SMG6: variants seen among roughly 807,000 people sequenced by gnomAD.
SMG6 encodes the protein telomerase-binding protein EST1A.
SMG6 carries 66 observed loss-of-function variants against 142.2 expected under a neutral mutation model. The observed-to-expected ratio is 0.46, with a 90% CI of 0.38 to 0.57. The LOEUF (loss-of-function observed/expected upper bound fraction) is 0.57. Among genes scored for constraint, SMG6 ranks in the 20% least tolerant of loss-of-function variants. The probability of loss-of-function intolerance (pLI) is 0.00; values close to 1 mark genes in which losing one functional copy is unlikely to be tolerated. For missense variants in SMG6, 1,793 were observed against 1,832.0 expected (o/e 0.98, Z 0.39); for synonymous variants, 779 against 702.4 (o/e 1.11, Z -1.72).
chr17:2,125,186 T>C (rs75282752), intron 13 of SMG6, among the ~76,000 whole-genome samples: 85 of 152,108 alleles, frequency 5.6e-4, no homozygotes, highest in African/African-American at 1.9e-3. Context: ...AAAGGGAAAA[T>C]AGAGAAGGAG....
chr17:2,178,178 GCT>G (rs2071703126), intron 12 of SMG6, among the ~76,000 whole-genome samples: 1 of 152,200 alleles, frequency 6.6e-6, no homozygotes, highest in Non-Finnish European at 1.5e-5. Flanking sequence ...GTACCTCAGT[GCT>G]AGGTAGCTCA....
chr17:2,276,486 G>A (rs938512959), intron 8 of SMG6, among the ~76,000 whole-genome samples: 1 of 152,228 alleles, frequency 6.6e-6, no homozygotes, highest in South Asian at 2.1e-4. Context: ...CCAGGTTCAA[G>A]TGATTCTCCC....
intron 13 of SMG6, among the ~76,000 whole-genome samples, chr17:2,091,938 A>T (rs185355039): frequency 0.027 from 4,045 of 151,126 alleles, 81 homozygotes; most frequent in East Asian, 0.053. Flanking sequence ...CGCCTTGGCC[A>T]ACCAAAGTGC....
rs1250381110 is a variant in SMG6, at chr17:2,065,860, TTCACAGGGCTCTAC to T, written c.3836-195_3836-182del. Reference sequence around the variant, plus strand: ...GTGGGGGCAAGAAGTGTCTCGAGATTTCACAGGGCTCTACTCCCTTTCTGTCTCTTCTCCTGGGC... The same window carrying T: ...GTGGGGGCAAGAAGTGTCTCGAGATTTCCCTTTCTGTCTCTTCTCCTGGGC... On this transcript the variant is annotated intron_variant, in intron 16 of 18. Transcript: ENST00000263073. 2.8e-5 allele frequency: 17 copies of T among 606,188 alleles called. No homozygotes were observed. In the East Asian group the frequency reaches 4.7e-4, roughly 17 times the overall value. The allele number at this position is 606,188 out of a possible 1,614,324, so 37.6% of individuals were successfully genotyped here. A position where few individuals can be genotyped will look rare whatever the true frequency, so the allele number is the denominator to read the frequency against.
chr17:2,090,120 T>C (rs1488305527), intron 13 of SMG6, among the ~76,000 whole-genome samples: 1 of 135,640 alleles, frequency 7.4e-6, no homozygotes, highest in Non-Finnish European at 1.6e-5. Flanking sequence ...GAGGTGGAGG[T>C]TGCAGTGAGC....
chr17:2,292,452 T>C, intron 6 of SMG6, 100 bp downstream of exon 6: 1 of 1,153,422 alleles, frequency 8.7e-7, no homozygotes, highest in Non-Finnish European at 1.3e-6. Context: ...TGGGCTACAG[T>C]GATGAGATGA....
intron 13 of SMG6, among the ~76,000 whole-genome samples, chr17:2,109,711 C>T (rs998240354): frequency 3.9e-5 from 6 of 152,144 alleles, no homozygotes; most frequent in Non-Finnish European, 7.3e-5. Flanking sequence ...AGTATAGTTT[C>T]AGTGCTTTAT....
In SMG6 at chr17:2,087,278, A is replaced by G. The variant is rs1055401582; in HGVS notation, c.3358-1377T>C. ...GCTGGGTACCACAGAGAGCAGATGA[A>G]GCAGGCATGACCCATGTTCTCTAAG... On this transcript the variant is annotated intron_variant, in intron 13 of 18. Coordinates refer to ENST00000263073, the MANE Select transcript of SMG6 (RefSeq NM_017575.5). 5.5e-6 allele frequency: 7 copies of G among 1,277,356 alleles called. No homozygotes were observed. In the African/African-American group the frequency reaches 1.1e-4, roughly 20 times the overall value. The allele number at this position is 1,277,356 out of a possible 1,614,324, so 79.1% of individuals were successfully genotyped here.
chr17:2,191,751 T>C (rs2072170832), intron 10 of SMG6, among the ~76,000 whole-genome samples: 1 of 152,204 alleles, frequency 6.6e-6, no homozygotes. Flanking sequence ...GACAGAAATA[T>C]TCTTCTTGCT....
intron 6 of SMG6, among the ~76,000 whole-genome samples, chr17:2,286,072 T>C (rs779774975): frequency 3.3e-5 from 5 of 152,142 alleles, no homozygotes; most frequent in East Asian, 1.9e-4. Context: ...TAGGAATACA[T>C]TTAACCAAGG....
chr17:2,100,744 G>A (rs1001745487), intron 13 of SMG6, among the ~76,000 whole-genome samples: 2 of 151,990 alleles, frequency 1.3e-5, no homozygotes, highest in Non-Finnish European at 1.5e-5. Context: ...ATGGGGTCTC[G>A]CGATATTGAA....
At chr17:2,297,130 C>T (rs865874841) in intron 4 of SMG6, 113 bp downstream of exon 4, 2 of 689,136 alleles carry the variant, frequency 2.9e-6, no homozygotes, top group Middle Eastern at 5.3e-4. Flanking sequence ...CTGCACTGAA[C>T]TGTATCATTA....
At chr17:2,263,996 C>T (rs1426861776) in intron 8 of SMG6, among the ~76,000 whole-genome samples, 1 of 151,960 alleles carries the variant, frequency 6.6e-6, no homozygotes, top group Non-Finnish European at 1.5e-5. Context: ...TGGTGAGAAA[C>T]GCAACACGGG....
intron 13 of SMG6, among the ~76,000 whole-genome samples, chr17:2,110,859 A>T (rs538161242): frequency 1.3e-5 from 2 of 152,220 alleles, no homozygotes; most frequent in Non-Finnish European, 2.9e-5. Context: ...GAAGGCCAGA[A>T]ACAAAGAGTG....
chr17:2,079,677 G>A (rs183024253), intron 15 of SMG6, among the ~76,000 whole-genome samples: 79 of 152,270 alleles, frequency 5.2e-4, no homozygotes, highest in African/African-American at 1.8e-3. Flanking sequence ...AAGTTTACAT[G>A]TAGACCCACA....
intron 10 of SMG6, among the ~76,000 whole-genome samples, chr17:2,230,924 T>C (rs2073472314): frequency 6.6e-6 from 1 of 152,108 alleles, no homozygotes; most frequent in Admixed American, 6.6e-5. Flanking sequence ...TGGCAATGAT[T>C]CCCTACGGAA....
intron 6 of SMG6, among the ~76,000 whole-genome samples, chr17:2,284,157 T>G (rs112606890): frequency 2.6e-5 from 4 of 151,920 alleles, no homozygotes; most frequent in African/African-American, 7.3e-5. Context: ...AATCCAGGAG[T>G]TGACTCGGAA....
At chr17:2,075,242 G>C (rs560626267) in intron 15 of SMG6, among the ~76,000 whole-genome samples, 1 of 141,564 alleles carries the variant, frequency 7.1e-6, no homozygotes, top group African/African-American at 2.6e-5. Context: ...AGTATGAATG[G>C]ACGGCAGCTA....
At chr17:2,138,741 A>C (rs181915598) in intron 13 of SMG6, among the ~76,000 whole-genome samples, 3 of 152,318 alleles carry the variant, frequency 2.0e-5, no homozygotes, top group Admixed American at 2.0e-4. Context: ...CTGCAGTTAC[A>C]TATTCATGTC....
Sources: allele counts gnomAD v4.1 joint callset (sites outside exome capture counted in the v4.1 genomes callset), GRCh38; gene constraint gnomAD v4.1.1; transcripts MANE v1.5; gene names NCBI Gene and HGNC (gene_info 2026-07-23, HGNC 2026-07-21).